Variants in TNS3 observed in about 807,000 individuals in gnomAD.
TNS3 encodes the protein tensin 3, also known as tensin-3.
In TNS3, 45 loss-of-function variants were observed where a neutral mutation model predicts 140.9. The observed-to-expected ratio is 0.32, with a 90% CI of 0.25 to 0.41. The LOEUF (loss-of-function observed/expected upper bound fraction) is 0.41. Among genes scored for constraint, TNS3 ranks in the 10% least tolerant of loss-of-function variants. The probability of loss-of-function intolerance (pLI) is 1.00; values close to 1 mark genes in which losing one functional copy is unlikely to be tolerated. For synonymous variants in TNS3, 815 were observed against 788.4 expected (o/e 1.03, Z -0.56); for missense variants, 1,716 against 1,906.7 (o/e 0.90, Z 1.86).
In TNS3 at chr7:47,292,090, A is replaced by T. The variant is rs912693819; in HGVS notation, c.3851-58T>A. On this transcript the variant is annotated intron_variant, in intron 26 of 30. Coordinates refer to ENST00000311160, the MANE Select transcript of TNS3 (RefSeq NM_022748.12). ...GTCCTGCTCCTGACCAAGAATCCTC[A>T]TGACAAAGTTAGACAATTTGATGAC... is the stretch of plus-strand genomic sequence containing the variant. 7 of 1,549,512 alleles carry T rather than the reference A, an allele frequency of 4.5e-6. No individual in the cohort carries two copies. In the African/African-American group the frequency reaches 9.5e-5, roughly 21 times the overall value.
In TNS3 at chr7:47,573,172, G is replaced by A. The variant is rs529897635; in HGVS notation, c.-265+8879C>T. ...GCCCCAAGGACTGAAGCCCAACCAA[G>A]TAACTTAACTATTCATTATGCTAAT... On this transcript the variant is annotated intron_variant, in intron 1 of 30. Coordinates refer to ENST00000311160, the MANE Select transcript of TNS3 (RefSeq NM_022748.12). 1.8e-4 allele frequency among the ~76,000 whole-genome samples: 27 copies of A among 152,322 alleles called. 1 individual carries two copies. The South Asian group carries it at 5.6e-3, about 32-fold the overall frequency.
intron 13 of TNS3, chr7:47,405,590 G>A (rs1213444228): frequency 2.8e-6 from 2 of 702,940 alleles, no homozygotes; most frequent in South Asian, 1.5e-5. Context: ...GTAAATATTG[G>A]CTGCAAACGA....
chr7:47,507,494 A>T (rs2151883710), intron 2 of TNS3, among the ~76,000 whole-genome samples: 1 of 152,290 alleles, frequency 6.6e-6, no homozygotes, highest in African/African-American at 2.4e-5. Context: ...CTTCCGGCCA[A>T]CCTGAGAACT....
intron 2 of TNS3, among the ~76,000 whole-genome samples, chr7:47,519,106 C>G (rs1245548155): frequency 1.3e-5 from 2 of 152,174 alleles, no homozygotes; most frequent in Admixed American, 1.3e-4. Context: ...GAATCAAGCC[C>G]AGAGTCAGTG....
rs182030878 is a variant in TNS3 at position 47,397,601 on chromosome 7, A to C, written c.920-697T>G. Among the ~76,000 whole-genome samples the C allele has an allele frequency of 1.3e-3, 191 of 152,324 alleles. 1 individual carries two copies. Among genetic ancestry groups the C allele is most frequent in the African/African-American group, 4.3e-3 (177 of 41,576 alleles). On this transcript the variant is annotated intron_variant, in intron 15 of 30. Coordinates refer to ENST00000311160, the MANE Select transcript of TNS3 (RefSeq NM_022748.12). The stretch of plus-strand genomic sequence containing the variant: ...CTGGTTACTTTGGGGTTAATGATGA[A>C]ATCATGATGGAAATTTAAAAATTCC...
chr7:47,441,960 A>G (rs1178165983), intron 5 of TNS3, 43 bp downstream of exon 5: 2 of 1,272,100 alleles, frequency 1.6e-6, no homozygotes, highest in Admixed American at 2.3e-5. Flanking sequence ...GAGCTGACCT[A>G]CAGCCAGAGA....
chr7:47,558,855 T>G (rs899829721), intron 1 of TNS3, among the ~76,000 whole-genome samples: 5 of 152,128 alleles, frequency 3.3e-5, no homozygotes, highest in Admixed American at 3.3e-4. Context: ...TCCAAGGCCA[T>G]GAGCAGGAGG....
At chr7:47,401,891 C>T (rs574212469) in intron 13 of TNS3, among the ~76,000 whole-genome samples, 42 of 152,376 alleles carry the variant, frequency 2.8e-4, no homozygotes, top group African/African-American at 9.6e-4. Flanking sequence ...ATTCTGCTCT[C>T]AGACCAAATC....
intron 24 of TNS3, among the ~76,000 whole-genome samples, chr7:47,295,285 T>TA (rs1417408861): frequency 1.3e-5 from 2 of 152,192 alleles, no homozygotes; most frequent in Non-Finnish European, 2.9e-5. Context: ...TCCAAAAAGA[T>TA]AATGCATGCA....
intron 1 of TNS3, among the ~76,000 whole-genome samples, chr7:47,545,391 G>A (rs1460772229): frequency 6.6e-6 from 1 of 152,192 alleles, no homozygotes; most frequent in Non-Finnish European, 1.5e-5. Flanking sequence ...CTAGATGGTA[G>A]TGCATGCCAC....
At chr7:47,435,016 G>A (rs1010872113) in intron 8 of TNS3, among the ~76,000 whole-genome samples, 9 of 152,172 alleles carry the variant, frequency 5.9e-5, no homozygotes, top group South Asian at 4.1e-4. Flanking sequence ...TCTCATAATC[G>A]TGGTCAATTT....
At chr7:47,463,801 T>C (rs2151703263) in intron 4 of TNS3, among the ~76,000 whole-genome samples, 1 of 152,288 alleles carries the variant, frequency 6.6e-6, no homozygotes, top group South Asian at 2.1e-4. Context: ...GACCACAAAA[T>C]TGTCCTTGGT....
chr7:47,293,952 T>C (rs2150629139), intron 24 of TNS3, 124 bp from the exon 25 acceptor site: 1 of 862,786 alleles, frequency 1.2e-6, no homozygotes, highest in South Asian at 1.6e-5. Context: ...ACGAGTCCAG[T>C]CACTGCAAAA....
intron 1 of TNS3, among the ~76,000 whole-genome samples, chr7:47,540,126 C>G (rs1489088031): frequency 6.6e-6 from 1 of 152,224 alleles, no homozygotes; most frequent in Non-Finnish European, 1.5e-5. Flanking sequence ...CAGGTTGTCT[C>G]ACCCTAGCTT....
intron 4 of TNS3, among the ~76,000 whole-genome samples, chr7:47,478,592 A>G (rs1348206950): frequency 6.6e-6 from 1 of 152,182 alleles, no homozygotes; most frequent in Non-Finnish European, 1.5e-5. Context: ...AGATACATAT[A>G]TTCACATGTG....
At chr7:47,504,919 ACTGCCAATTG>A (rs1333435861) in intron 3 of TNS3, among the ~76,000 whole-genome samples, 1 of 152,192 alleles carries the variant, frequency 6.6e-6, no homozygotes, top group African/African-American at 2.4e-5. Context: ...CCCTCAGCAA[ACTGCCAATTG>A]CTGCCGTTAG....
intron 4 of TNS3, among the ~76,000 whole-genome samples, chr7:47,442,862 C>G (rs568309005): frequency 4.6e-5 from 7 of 152,316 alleles, no homozygotes; most frequent in African/African-American, 1.7e-4. Flanking sequence ...CAGACACCAC[C>G]ATCAGAGGCA....
In TNS3 at chr7:47,276,182, C is replaced by T; in HGVS notation, c.*1894G>A. On this transcript the variant is annotated 3_prime_UTR_variant, in exon 31 of 31. Coordinates refer to ENST00000311160, the MANE Select transcript of TNS3 (RefSeq NM_022748.12). ...ATGCCAGCACCTCCTGACAGTCATG[C>T]CACCGCAAGTTAGAGAAGGAGGTCC... 1 of 187,786 alleles carries T rather than the reference C, an allele frequency of 5.3e-6. No individual in the cohort carries two copies. Among genetic ancestry groups the T allele is most frequent in the Non-Finnish European group, 1.1e-5 (1 of 89,456 alleles). The allele number at this position is 187,786 out of a possible 1,614,324, so 11.6% of individuals were successfully genotyped here.
At position 47,415,112 on chromosome 7, in the gene TNS3, T is replaced by C. The variant is rs1370253168; in HGVS notation, c.568A>G (p.Asn190Asp). ...LHFVILHGTPNFDTGGVCRPF... is the reference protein window; with the variant it reads ...LHFVILHGTPDFDTGGVCRPF... Reference sequence around the variant, plus strand: ...CACTCACCTCCACCTGTGTCGAAGTTGGGGGTGCCGTGGAGGATGACAAAA... The same window carrying C: ...CACTCACCTCCACCTGTGTCGAAGTCGGGGGTGCCGTGGAGGATGACAAAA... Residue 190 changes from asparagine (N) to aspartate (D), a missense_variant, in exon 11 of 31, where the codon AAC (asparagine) becomes GAC (aspartate). Transcript: ENST00000311160. 3 of 1,611,892 alleles carry C rather than the reference T, an allele frequency of 1.9e-6. No individual in the cohort carries two copies. The highest frequency in any genetic ancestry group is 1.1e-5 in the South Asian group (1 of 90,664).
Sources: gnomAD v4.1 joint callset for allele counts (sites outside exome capture counted in the v4.1 genomes callset) on GRCh38, gnomAD v4.1.1 for gene constraint, MANE v1.5 for transcripts, NCBI Gene and HGNC (gene_info 2026-07-23, HGNC 2026-07-21) for gene names.